Variants in PLCB1 observed in about 807,000 individuals in gnomAD.
The protein encoded by PLCB1 is 1-phosphatidylinositol 4,5-bisphosphate phosphodiesterase beta-1.
In PLCB1, 46 loss-of-function variants were observed where a neutral mutation model predicts 161.8. That is an observed-to-expected ratio of 0.28 (90% CI 0.22 to 0.36). PLCB1 has a LOEUF of 0.36. Among genes scored for constraint, PLCB1 ranks in the 10% least tolerant of loss-of-function variants. The probability of loss-of-function intolerance (pLI) is 1.00; values close to 1 mark genes in which losing one functional copy is unlikely to be tolerated. For missense variants in PLCB1, 1,016 were observed against 1,472.5 expected (o/e 0.69, Z 5.07); for synonymous variants, 517 against 503.7 (o/e 1.03, Z -0.35).
intron 25 of PLCB1, among the ~76,000 whole-genome samples, chr20:8,764,157 ACT>A (rs1193272302): frequency 2.0e-5 from 3 of 152,018 alleles, no homozygotes; most frequent in African/African-American, 4.8e-5. Context: ...ACAGAGCAAG[ACT>A]CTGTCTCAAA....
chr20:8,524,609 T>C (rs1024803550), intron 3 of PLCB1, among the ~76,000 whole-genome samples: 8 of 152,150 alleles, frequency 5.3e-5, no homozygotes, highest in African/African-American at 1.2e-4. Flanking sequence ...ATAAGTCTAG[T>C]TGAGTAAAGT....
At chr20:8,354,315 C>T (rs1267241749) in intron 2 of PLCB1, among the ~76,000 whole-genome samples, 2 of 151,722 alleles carry the variant, frequency 1.3e-5, no homozygotes, top group Non-Finnish European at 1.5e-5. Flanking sequence ...AGAAGAGAAA[C>T]ATCAGAAGGA....
intron 3 of PLCB1, among the ~76,000 whole-genome samples, chr20:8,586,530 G>T (rs1377235337): frequency 6.6e-6 from 1 of 152,084 alleles, no homozygotes; most frequent in African/African-American, 2.4e-5. Flanking sequence ...GCAAATCCTG[G>T]ACCTGTGGCA....
intron 3 of PLCB1, among the ~76,000 whole-genome samples, chr20:8,622,759 A>C (rs1276108874): frequency 4.5e-4 from 4 of 8,964 alleles, no homozygotes; most frequent in Middle Eastern, 0.025. Flanking sequence ...ACTTGTCCTC[A>C]GATCTTTGAT....
intron 26 of PLCB1, among the ~76,000 whole-genome samples, chr20:8,765,720 C>T (rs1288107680): frequency 6.6e-6 from 1 of 151,942 alleles, no homozygotes; most frequent in Admixed American, 6.6e-5. Flanking sequence ...CAGAGTCTTG[C>T]CCTGTCACCC....
intron 2 of PLCB1, among the ~76,000 whole-genome samples, chr20:8,179,282 A>C (rs1228706384): frequency 6.6e-6 from 1 of 152,010 alleles, no homozygotes; most frequent in Admixed American, 6.5e-5. Context: ...ATATATTTCT[A>C]TTTGTTTGTA....
intron 2 of PLCB1, among the ~76,000 whole-genome samples, chr20:8,321,035 AG>A (rs1984897671): frequency 2.8e-5 from 4 of 140,840 alleles, no homozygotes; most frequent in Admixed American, 7.4e-5. Context: ...AAAGAAAGAG[AG>A]AGAGGAGAAA....
At chr20:8,277,997 C>G (rs1175758095) in intron 2 of PLCB1, among the ~76,000 whole-genome samples, 3 of 151,882 alleles carry the variant, frequency 2.0e-5, no homozygotes, top group Non-Finnish European at 4.4e-5. Flanking sequence ...AATTTATCCT[C>G]CAGATATGCT....
intron 3 of PLCB1, among the ~76,000 whole-genome samples, chr20:8,423,408 G>A (rs988240045): frequency 6.6e-6 from 1 of 152,162 alleles, no homozygotes. Context: ...TGCCTATCCT[G>A]TGTGCTGAGT....
At chr20:8,468,796 A>G (rs887585168) in intron 3 of PLCB1, among the ~76,000 whole-genome samples, 9 of 152,188 alleles carry the variant, frequency 5.9e-5, no homozygotes, top group African/African-American at 9.7e-5. Context: ...ATTATTCACA[A>G]CAGTGCTATA....
chr20:8,706,919 A>G (rs1214863348), intron 11 of PLCB1, among the ~76,000 whole-genome samples: 2 of 152,188 alleles, frequency 1.3e-5, no homozygotes, highest in Non-Finnish European at 2.9e-5. Context: ...AAACCAATAC[A>G]CAGAGGCATT....
At chr20:8,447,081 G>A (rs1223916515) in intron 3 of PLCB1, among the ~76,000 whole-genome samples, 2 of 152,102 alleles carry the variant, frequency 1.3e-5, no homozygotes, top group Non-Finnish European at 2.9e-5. Flanking sequence ...TTGCAACATG[G>A]TGATTTGGCT....
At chr20:8,396,150 A>G (rs1334417129) in intron 3 of PLCB1, among the ~76,000 whole-genome samples, 1 of 152,108 alleles carries the variant, frequency 6.6e-6, no homozygotes. Flanking sequence ...TCTGGCAACA[A>G]GATGTTAGAT....
intron 3 of PLCB1, among the ~76,000 whole-genome samples, chr20:8,405,372 T>A (rs1978740609): frequency 6.6e-6 from 1 of 152,170 alleles, no homozygotes; most frequent in African/African-American, 2.4e-5. Context: ...AGCAGAACAG[T>A]AAGAGACAGA....
At position 8,883,588 on chromosome 20, in the gene PLCB1, T is replaced by C. The variant is rs1988071485; in HGVS notation, c.*1739T>C. On this transcript the variant is annotated 3_prime_UTR_variant, in exon 32 of 32. Transcript: ENST00000338037. Reference sequence around the variant, plus strand: ...CCTGAAAATTGTTTCAAGAATTTAATATTTTTATGAAAATTATTTTATTTA... The same window carrying C: ...CCTGAAAATTGTTTCAAGAATTTAACATTTTTATGAAAATTATTTTATTTA... 1.3e-5 allele frequency: 2 copies of C among 152,190 alleles called. No individual in the cohort carries two copies. Among genetic ancestry groups the C allele is most frequent in the Non-Finnish European group, 2.9e-5 (2 of 67,974 alleles). The allele number at this position is 152,190 out of a possible 1,614,324, so 9.4% of individuals were successfully genotyped here. A position where few individuals can be genotyped will look rare whatever the true frequency, so the allele number is the denominator to read the frequency against.
intron 3 of PLCB1, among the ~76,000 whole-genome samples, chr20:8,586,212 A>C (rs1380305434): frequency 1.3e-5 from 2 of 152,248 alleles, no homozygotes; most frequent in Non-Finnish European, 2.9e-5. Context: ...TTCATCCTCA[A>C]ATATCCCATT....
intron 31 of PLCB1, among the ~76,000 whole-genome samples, chr20:8,820,585 A>G (rs1156546992): frequency 6.6e-6 from 1 of 152,200 alleles, no homozygotes; most frequent in East Asian, 1.9e-4. Context: ...TATCTAGTTA[A>G]GTTGAAGGTG....
In PLCB1 at chr20:8,724,281, C is replaced by T. The variant is rs1456806256; in HGVS notation, c.1582-375C>T. Among the ~76,000 whole-genome samples the T allele has an allele frequency of 2.0e-5, 3 of 152,010 alleles. No individual in the cohort carries two copies. In the East Asian group the frequency reaches 5.8e-4, roughly 29 times the overall value. ...TGGACACCCTGCAATGGAAGATGAG[C>T]TATAGCTCAGTGCTTCTCAAACTTT... On this transcript the variant is annotated intron_variant, in intron 15 of 31. Coordinates refer to ENST00000338037, the MANE Select transcript of PLCB1 (RefSeq NM_015192.4).
At chr20:8,274,782 A>C (rs1238392465) in intron 2 of PLCB1, among the ~76,000 whole-genome samples, 1 of 152,086 alleles carries the variant, frequency 6.6e-6, no homozygotes, top group Non-Finnish European at 1.5e-5. Context: ...GCATAATATA[A>C]TATTTTTGGA....
Sources: allele counts gnomAD v4.1 joint callset (sites outside exome capture counted in the v4.1 genomes callset), GRCh38; gene constraint gnomAD v4.1.1; transcripts MANE v1.5; gene names NCBI Gene and HGNC (gene_info 2026-07-23, HGNC 2026-07-21).